The following P2RY12 variants were observed in gnomAD, a reference collection of about 807,000 sequenced individuals.
P2RY12 encodes purinergic receptor P2Y12, also known as P2Y purinoceptor 12.
In P2RY12, 3 loss-of-function variants were observed where a neutral mutation model predicts 4.5. That is an observed-to-expected ratio of 0.67 (90% CI 0.31 to 1.74). The LOEUF is 1.74. P2RY12 is among the 40% of genes most tolerant of loss of function. The pLI is 0.09. For missense variants in P2RY12, 356 were observed against 407.8 expected (o/e 0.87, Z 1.09); for synonymous variants, 148 against 154.1 (o/e 0.96, Z 0.29).
In P2RY12 at chr3:151,348,312, G is replaced by A. The variant is rs149615022; in HGVS notation, c.-179-7552C>T. ...TTAGTGCCCCCCTGTTTCCTTCCTA[G>A]GGTTCATATGTACACAAACCACCAG... On this transcript the variant is annotated intron_variant, in intron 1 of 2. Coordinates refer to ENST00000302632, the MANE Select transcript of P2RY12 (RefSeq NM_022788.5). Among the ~76,000 whole-genome samples the A allele has an allele frequency of 5.4e-3, 747 of 138,812 alleles. 7 individuals carry two copies. The highest frequency in any genetic ancestry group is 0.02 in the African/African-American group (720 of 36,602). The allele number at this position is 138,812 out of a possible 152,430, so 91.1% of individuals were successfully genotyped here. A position where few individuals can be genotyped will look rare whatever the true frequency, so the allele number is the denominator to read the frequency against.
rs1486144291 is a variant in P2RY12 at position 151,337,977 on chromosome 3, T to C, written c.869A>G (p.Asn290Ser). ...KESTLWLTSLNACLDPFIYFF... is the reference protein window; with the variant it reads ...KESTLWLTSLSACLDPFIYFF... ...ATAGATGAACGGATCCAGGCATGCA[T>C]TTAAGGAAGTTAACCACAGAGTGCT... is the stretch of plus-strand genomic sequence containing the variant. The change falls in exon 3 of 3, where the codon AAT (asparagine) becomes AGT (serine). Residue 290 changes from asparagine (N) to serine (S), a missense_variant. Asn to Ser is a conservative substitution (Grantham distance 46, BLOSUM62 1). Coordinates refer to ENST00000302632, the MANE Select transcript of P2RY12 (RefSeq NM_022788.5). 2 of 1,614,112 alleles carry C rather than the reference T, an allele frequency of 1.2e-6. No homozygotes were observed. Among genetic ancestry groups the C allele is most frequent in the Non-Finnish European group, 1.7e-6 (2 of 1,180,006 alleles).
At chr3:151,365,316 TG>T in intron 1 of P2RY12, 1 of 871,930 alleles carries the variant, frequency 1.1e-6, no homozygotes, top group Non-Finnish European at 1.8e-6. Flanking sequence ...GGCTATCATT[TG>T]CTTTTTCTAA....
chr3:151,357,383 A>G (rs1754058861), intron 1 of P2RY12: 10 of 1,571,162 alleles, frequency 6.4e-6, no homozygotes, highest in South Asian at 1.2e-5. Context: ...AAGGGTTGGT[A>G]TATAGCATGT....
At chr3:151,359,230 C>T (rs1047510324) in intron 1 of P2RY12, among the ~76,000 whole-genome samples, 1 of 152,142 alleles carries the variant, frequency 6.6e-6, no homozygotes, top group African/African-American at 2.4e-5. Context: ...CCTGCAGCTA[C>T]ATCTATATTG....
chr3:151,351,384 A>G lies in P2RY12; in HGVS notation c.-179-10624T>C, dbSNP rs112365872. ...GGGAAAGTTATCCTTCCTGTTATTC[A>G]CATCACCTTCCCTAACTCCCTTCCA... On this transcript the variant is annotated intron_variant, in intron 1 of 2. Transcript: ENST00000302632. Among the ~76,000 whole-genome samples the G allele has an allele frequency of 6.8e-3, 1,039 of 152,318 alleles. 9 individuals carry two copies. Among genetic ancestry groups the G allele is most frequent in the South Asian group, 0.023 (110 of 4,828 alleles).
Position 151,338,429 on chromosome 3 carries a change from C to G in P2RY12, c.417G>C (p.Leu139Phe). The G allele has an allele frequency of 6.2e-7, 1 of 1,614,050 alleles. No individual in the cohort carries two copies. The highest frequency in any genetic ancestry group is 8.5e-7 in the Non-Finnish European group (1 of 1,180,016). ...TGACAACAGAGAGAATCTTAGCCCCCAAGAGATTTTTGGGGTTGGATGTTT... is the reference window on the plus strand; with the variant it reads ...TGACAACAGAGAGAATCTTAGCCCCGAAGAGATTTTTGGGGTTGGATGTTT... Reference protein sequence around the residue: ...PFKTSNPKNLLGAKILSVVIW... With the variant: ...PFKTSNPKNLFGAKILSVVIW... Residue 139 changes from leucine (L) to phenylalanine (F), a missense_variant, in exon 3 of 3, where the codon TTG (leucine) becomes TTC (phenylalanine). Physicochemically the swap from Leu to Phe is conservative, Grantham distance 22. Coordinates refer to ENST00000302632, the MANE Select transcript of P2RY12 (RefSeq NM_022788.5).
At chr3:151,377,785 A>G (rs1285813949) in intron 1 of P2RY12, among the ~76,000 whole-genome samples, 1 of 152,230 alleles carries the variant, frequency 6.6e-6, no homozygotes, top group African/African-American at 2.4e-5. Flanking sequence ...TTTAGTTACA[A>G]TATCCTTCCA....
intron 1 of P2RY12, among the ~76,000 whole-genome samples, chr3:151,366,841 A>G (rs1025000362): frequency 2.0e-5 from 3 of 152,100 alleles, no homozygotes; most frequent in Admixed American, 2.0e-4. Flanking sequence ...TTTATCTTTA[A>G]TATAGTTTCT....
At chr3:151,383,497 A>G (rs527834933) in intron 1 of P2RY12, among the ~76,000 whole-genome samples, 4 of 152,246 alleles carry the variant, frequency 2.6e-5, no homozygotes, top group East Asian at 1.9e-4. Flanking sequence ...ACTGGACATC[A>G]TAAAAGATTT....
chr3:151,384,343 G>T, intron 1 of P2RY12: 2 of 1,033,856 alleles, frequency 1.9e-6, no homozygotes, highest in Middle Eastern at 2.2e-4. Flanking sequence ...GTGATTATTT[G>T]CTATTTGTTT....
At chr3:151,378,266 G>A in intron 1 of P2RY12, 1 of 1,255,964 alleles carries the variant, frequency 8.0e-7, no homozygotes, top group South Asian at 2.1e-5. Flanking sequence ...TGTACCCACA[G>A]TCCACTGAAA....
intron 1 of P2RY12, among the ~76,000 whole-genome samples, chr3:151,358,562 TTTTTTTGTTTTTG>T (rs1754218969): frequency 6.6e-6 from 1 of 151,364 alleles, no homozygotes; most frequent in East Asian, 1.9e-4. Flanking sequence ...TTGTGACAAG[TTTTTTTGTTTTTG>T]TTTTTTGTTT....
At chr3:151,375,074 G>A (rs1175614550) in intron 1 of P2RY12, among the ~76,000 whole-genome samples, 2 of 152,216 alleles carry the variant, frequency 1.3e-5, no homozygotes, top group African/African-American at 4.8e-5. Context: ...GTATTGAGAG[G>A]CAATTGTGTG....
chr3:151,364,943 A>G, intron 1 of P2RY12: 1 of 1,435,860 alleles, frequency 7.0e-7, no homozygotes, highest in South Asian at 1.2e-5. Context: ...TTCTAGTTTT[A>G]TTTTTCTGTT....
chr3:151,341,176 G>A (rs555240128), intron 1 of P2RY12, among the ~76,000 whole-genome samples: 5 of 152,220 alleles, frequency 3.3e-5, no homozygotes, highest in East Asian at 3.9e-4. Context: ...CTCAAAATGC[G>A]TGCTGGCTAG....
chr3:151,369,655 G>A, intron 1 of P2RY12: 1 of 675,374 alleles, frequency 1.5e-6, no homozygotes, highest in Non-Finnish European at 2.4e-6. Flanking sequence ...ACATGATACT[G>A]TTTGATCGCT....
chr3:151,354,054 T>G (rs1429404979), intron 1 of P2RY12, among the ~76,000 whole-genome samples: 3 of 137,988 alleles, frequency 2.2e-5, no homozygotes, highest in Admixed American at 8.1e-5. Flanking sequence ...GGCAGGAGAA[T>G]GGCGTGAACC....
rs113294502 is a variant in P2RY12, at chr3:151,363,413, C to G, written c.-180+21279G>C. Among the ~76,000 whole-genome samples the G allele has an allele frequency of 6.7e-3, 1,021 of 152,124 alleles. 8 individuals are homozygous for G. The highest frequency in any genetic ancestry group is 0.023 in the South Asian group (110 of 4,822). ...AGAGGAGTATTTTTTTCTGAAACAC[C>G]ATTCACACAGTTGTGTGAGAGGAGT... On this transcript the variant is annotated intron_variant, in intron 1 of 2. Coordinates refer to ENST00000302632, the MANE Select transcript of P2RY12 (RefSeq NM_022788.5).
At chr3:151,374,349 AC>A (rs199922730) in intron 1 of P2RY12, among the ~76,000 whole-genome samples, 2,570 of 152,244 alleles carry the variant, frequency 0.017, 157 homozygotes, top group East Asian at 0.13. Context: ...GGAGTTTGAG[AC>A]CAGCCTGGCC....
Sources: allele counts gnomAD v4.1 joint callset (sites outside exome capture counted in the v4.1 genomes callset), GRCh38; gene constraint gnomAD v4.1.1; transcripts MANE v1.5; gene names NCBI Gene and HGNC (gene_info 2026-07-23, HGNC 2026-07-21).